ST6GAL1: variants seen among roughly 807,000 people sequenced by gnomAD.
The protein encoded by ST6GAL1 is beta-galactoside alpha-2,6-sialyltransferase 1.
In ST6GAL1, 20 loss-of-function variants were observed where a neutral mutation model predicts 38.0. The ratio of observed to expected loss-of-function variants is 0.53; its 90% confidence interval spans 0.37 to 0.77. ST6GAL1 has a LOEUF of 0.77. Ranked by LOEUF, ST6GAL1 falls within the 30% of genes least tolerant of loss-of-function variation. The pLI is 0.00. For synonymous variants in ST6GAL1, 196 were observed against 188.2 expected (o/e 1.04, Z -0.34); for missense variants, 432 against 496.4 (o/e 0.87, Z 1.23).
chr3:187,045,425 G>A (rs530729445), intron 4 of ST6GAL1, among the ~76,000 whole-genome samples: 63 of 152,158 alleles, frequency 4.1e-4, no homozygotes, highest in African/African-American at 1.3e-3. Context: ...ACTCATACAT[G>A]TTAAGTATCC....
intron 5 of ST6GAL1, among the ~76,000 whole-genome samples, chr3:187,067,514 T>C (rs2108600447): frequency 6.6e-6 from 1 of 151,754 alleles, no homozygotes; most frequent in East Asian, 1.9e-4. Flanking sequence ...GGCTTCTCCC[T>C]TATCCCTCAA....
At chr3:186,971,636 C>T (rs900085473) in intron 2 of ST6GAL1, among the ~76,000 whole-genome samples, 1 of 152,168 alleles carries the variant, frequency 6.6e-6, no homozygotes, top group Non-Finnish European at 1.5e-5. Context: ...CCCAGTTCAC[C>T]AGTTATAGGA....
chr3:186,958,482 A>G (rs1714819179), intron 1 of ST6GAL1, among the ~76,000 whole-genome samples: 1 of 152,176 alleles, frequency 6.6e-6, no homozygotes, highest in South Asian at 2.1e-4. Flanking sequence ...AAAAAAATCC[A>G]GAGCCATATA....
Position 187,032,990 on chromosome 3 carries a change from A to G in ST6GAL1, c.-182-5752A>G, listed in dbSNP as rs75211540. Among the ~76,000 whole-genome samples the G allele has an allele frequency of 5.6e-3, 849 of 152,340 alleles. 3 individuals carry two copies. The highest frequency in any genetic ancestry group is 9.3e-3 in the Non-Finnish European group (635 of 68,028). ...GCTTCCTCTTAGTTCTGTTAATGCTAGATCTCCTAGGACAGGCCTTGCAGC... is the reference window on the plus strand; with the variant it reads ...GCTTCCTCTTAGTTCTGTTAATGCTGGATCTCCTAGGACAGGCCTTGCAGC... On this transcript the variant is annotated intron_variant, in intron 2 of 7. Transcript: ENST00000169298.
intron 1 of ST6GAL1, among the ~76,000 whole-genome samples, chr3:186,943,211 A>G (rs1459681343): frequency 3.3e-5 from 5 of 152,242 alleles, no homozygotes; most frequent in Admixed American, 2.6e-4. Flanking sequence ...CTTAGAAAGT[A>G]GTAGCTGTTA....
intron 2 of ST6GAL1, among the ~76,000 whole-genome samples, chr3:186,985,781 A>AG (rs1553821757): frequency 6.6e-6 from 1 of 151,188 alleles, no homozygotes; most frequent in Non-Finnish European, 1.5e-5. Context: ...TCTCAAAAAA[A>AG]AAAAAAGAAA....
chr3:186,988,500 T>G (rs1716034011), intron 2 of ST6GAL1, among the ~76,000 whole-genome samples: 1 of 144,976 alleles, frequency 6.9e-6, no homozygotes, highest in Non-Finnish European at 1.5e-5. Context: ...CCAATATAAA[T>G]GTAAAGACCT....
chr3:187,021,762 C>T (rs949218727), intron 2 of ST6GAL1: 3 of 139,078 alleles, frequency 2.2e-5, no homozygotes, highest in African/African-American at 8.2e-5. Context: ...AAAAAAAAAA[C>T]CTTCCCATGA....
At chr3:187,006,553 A>C (rs1430726360) in intron 2 of ST6GAL1, 1 of 152,146 alleles carries the variant, frequency 6.6e-6, no homozygotes, top group Non-Finnish European at 1.5e-5. Flanking sequence ...GCATTTTTCT[A>C]GGTGCTTTAC....
chr3:187,051,389 C>T (rs371794822), intron 5 of ST6GAL1, 43 bp downstream of exon 5: 172 of 1,567,472 alleles, frequency 1.1e-4, no homozygotes, highest in Non-Finnish European at 1.5e-4. Flanking sequence ...AGAAGGACCA[C>T]AGTGTGGGCT....
intron 3 of ST6GAL1, among the ~76,000 whole-genome samples, chr3:187,040,248 C>T (rs114280152): frequency 0.032 from 4,870 of 152,282 alleles, 283 homozygotes; most frequent in African/African-American, 0.11. Context: ...CTTACCAATA[C>T]GGAAAGTACC....
At chr3:187,005,729 C>T (rs1716765865) in intron 2 of ST6GAL1, among the ~76,000 whole-genome samples, 1 of 152,080 alleles carries the variant, frequency 6.6e-6, no homozygotes, top group Admixed American at 6.5e-5. Context: ...TTGAGATCCA[C>T]TGATGTAAAA....
intron 5 of ST6GAL1, chr3:187,072,625 C>A: frequency 4.0e-6 from 2 of 501,708 alleles, no homozygotes; most frequent in African/African-American, 1.9e-5. Flanking sequence ...GGAACCCTTT[C>A]TATTCTATGG....
chr3:186,936,939 C>CAA (rs60914982), intron 1 of ST6GAL1, among the ~76,000 whole-genome samples: 121 of 87,912 alleles, frequency 1.4e-3, no homozygotes, highest in East Asian at 1.8e-3. Flanking sequence ...AAGACTGTCT[C>CAA]AAAAAAAAAA....
Position 187,042,974 on chromosome 3 carries a change from GCCT to G in ST6GAL1, c.275_277del (p.Ser92del). ...AGGCCTAGCCAAGGCCAAACCAGAG[GCCT>G]CCTTCCAGGTGTGGAACAAGGACAG... On this transcript the variant is annotated inframe_deletion, in exon 4 of 8. Transcript: ENST00000169298. The G allele has an allele frequency of 1.9e-6, 3 of 1,614,150 alleles. No homozygotes were observed. The highest frequency in any genetic ancestry group is 2.5e-6 in the Non-Finnish European group (3 of 1,180,036).
At chr3:186,983,374 G>A (rs66960398) in intron 2 of ST6GAL1, among the ~76,000 whole-genome samples, 41,010 of 151,942 alleles carry the variant, frequency 0.27, 6,014 homozygotes, top group East Asian at 0.66. Flanking sequence ...AACTCAGATG[G>A]GAAATAATGA....
intron 2 of ST6GAL1, among the ~76,000 whole-genome samples, chr3:187,029,222 G>T (rs1717655228): frequency 6.6e-6 from 1 of 152,110 alleles, no homozygotes; most frequent in Admixed American, 6.5e-5. Context: ...CTCACGAGAG[G>T]TGTTTTGATT....
chr3:186,959,973 G>C (rs1714880386), intron 1 of ST6GAL1, among the ~76,000 whole-genome samples: 1 of 152,196 alleles, frequency 6.6e-6, no homozygotes, highest in African/African-American at 2.4e-5. Flanking sequence ...CAGCCTTACT[G>C]CTGTGACAGG....
In ST6GAL1 at chr3:187,009,446, A is replaced by G. The variant is rs900234283; in HGVS notation, c.-182-29296A>G. On this transcript the variant is annotated intron_variant, in intron 2 of 7. Coordinates refer to ENST00000169298, the MANE Select transcript of ST6GAL1 (RefSeq NM_173216.2). ...TGGTGGTTCATTATTGCTACTTTCT[A>G]TAGTTTTCTATGAGTGCAATTTTTT... Among the ~76,000 whole-genome samples, 6 of 152,070 alleles carry G rather than the reference A, an allele frequency of 3.9e-5. No homozygotes were observed. In the East Asian group the frequency reaches 9.7e-4, roughly 24 times the overall value.
Sources: gnomAD v4.1 joint callset for allele counts (sites outside exome capture counted in the v4.1 genomes callset) on GRCh38, gnomAD v4.1.1 for gene constraint, MANE v1.5 for transcripts, NCBI Gene and HGNC (gene_info 2026-07-23, HGNC 2026-07-21) for gene names.